GADL1: variants seen among roughly 807,000 people sequenced by gnomAD.
GADL1 encodes the protein GAD like acidic amino acid decarboxylase 1.
In GADL1, 71 loss-of-function variants were observed where a neutral mutation model predicts 69.5. The ratio of observed to expected loss-of-function variants is 1.02; its 90% CI spans 0.84 to 1.25. GADL1 has a LOEUF of 1.25. GADL1 is among the 50% of genes most tolerant of loss of function. The pLI is 0.00. For missense variants in GADL1, 737 were observed against 631.8 expected, an observed-to-expected ratio of 1.17 and a Z score of -1.79; for synonymous variants, 254 against 214.4, an observed-to-expected ratio of 1.18 and a Z score of -1.62.
At chr3:30,740,930 ATAT>A (rs1695608159) in intron 14 of GADL1, among the ~76,000 whole-genome samples, 1 of 134,480 alleles carries the variant, frequency 7.4e-6, no homozygotes, top group South Asian at 2.2e-4. Context: ...AAAAACAAAT[ATAT>A]TATATTTGAT....
At chr3:30,747,445 T>C (rs1695723956) in intron 14 of GADL1, among the ~76,000 whole-genome samples, 1 of 152,130 alleles carries the variant, frequency 6.6e-6, no homozygotes. Context: ...GAAAGAAAGG[T>C]GGAATTGAGT....
chr3:30,795,351 A>G lies in GADL1; in HGVS notation c.1250+5538T>C, dbSNP rs538570054. 5.3e-5 allele frequency among the ~76,000 whole-genome samples: 8 copies of G among 152,308 alleles called. No homozygotes were observed. In the South Asian group the frequency reaches 1.7e-3, roughly 32 times the overall value. On this transcript the variant is annotated intron_variant, in intron 12 of 14. Coordinates refer to ENST00000282538, the MANE Select transcript of GADL1 (RefSeq NM_207359.3). ...TACGATTATAGCTGGAAGAGTTAAG[A>G]TTATGACTCACAGAACCAGTGGTGT...
chr3:30,799,955 G>GT (rs1270011086), intron 12 of GADL1: 2 of 152,266 alleles, frequency 1.3e-5, no homozygotes, highest in African/African-American at 4.8e-5. Flanking sequence ...CTTATTGTTC[G>GT]TATCACTATC....
At position 30,889,106 on chromosome 3, in the gene GADL1, A is replaced by T. The variant is rs552097892; in HGVS notation, c.37+5472T>A. On this transcript the variant is annotated intron_variant, in intron 1 of 14. Coordinates refer to ENST00000282538, the MANE Select transcript of GADL1 (RefSeq NM_207359.3). ...CTATAAAAAAAAAAAAAAAAAAAAA[A>T]AAAAAAAAAGAGGATTAATGGACTC... 1.8e-3 allele frequency among the ~76,000 whole-genome samples: 275 copies of T among 149,554 alleles called. 5 individuals carry two copies. The highest frequency in any genetic ancestry group is 6.3e-3 in the African/African-American group (258 of 41,050).
chr3:30,753,624 C>A (rs1695889072), intron 14 of GADL1, among the ~76,000 whole-genome samples: 1 of 125,890 alleles, frequency 7.9e-6, no homozygotes, highest in Admixed American at 7.1e-5. Flanking sequence ...TCTTACAGTA[C>A]TTAAGATCAC....
At chr3:30,864,623 C>T (rs143687813) in intron 1 of GADL1, among the ~76,000 whole-genome samples, 1 of 151,890 alleles carries the variant, frequency 6.6e-6, no homozygotes, top group South Asian at 2.1e-4. Context: ...TCTTTCTCCC[C>T]CAGCATTTGT....
intron 14 of GADL1, among the ~76,000 whole-genome samples, chr3:30,740,689 T>C (rs1695603739): frequency 6.6e-6 from 1 of 151,940 alleles, no homozygotes; most frequent in Non-Finnish European, 1.5e-5. Context: ...TTTCAAGTTA[T>C]CTACCAGCCA....
chr3:30,747,248 G>C (rs1695721001), intron 14 of GADL1, among the ~76,000 whole-genome samples: 1 of 152,164 alleles, frequency 6.6e-6, no homozygotes, highest in Non-Finnish European at 1.5e-5. Flanking sequence ...ACCTCCCAGG[G>C]ATTTAGCATC....
chr3:30,780,427 C>T (rs997546037), intron 13 of GADL1, among the ~76,000 whole-genome samples: 4 of 152,154 alleles, frequency 2.6e-5, no homozygotes, highest in African/African-American at 7.2e-5. Context: ...GTGGTGGCTG[C>T]TCTCTATATC....
At chr3:30,882,014 T>A (rs796556246) in intron 1 of GADL1, among the ~76,000 whole-genome samples, 12 of 151,990 alleles carry the variant, frequency 7.9e-5, no homozygotes, top group African/African-American at 2.9e-4. Flanking sequence ...GCCAATAAAA[T>A]TGTTTATTAT....
chr3:30,832,336 C>CT (rs1243431379), intron 11 of GADL1, among the ~76,000 whole-genome samples: 2 of 144,320 alleles, frequency 1.4e-5, no homozygotes, highest in Non-Finnish European at 3.0e-5. Context: ...GGAATGAATT[C>CT]TTTAAAAAAA....
At chr3:30,849,032 G>A (rs1698101915) in intron 6 of GADL1, among the ~76,000 whole-genome samples, 1 of 152,158 alleles carries the variant, frequency 6.6e-6, no homozygotes, top group Non-Finnish European at 1.5e-5. Context: ...ACAATGGCCA[G>A]TTCTGAGGCT....
intron 13 of GADL1, among the ~76,000 whole-genome samples, chr3:30,783,148 C>T (rs1488599878): frequency 6.6e-6 from 1 of 152,144 alleles, no homozygotes. Flanking sequence ...GACTATATGT[C>T]CTCGAAGATC....
intron 14 of GADL1, among the ~76,000 whole-genome samples, chr3:30,763,780 A>T (rs1462571477): frequency 2.0e-5 from 3 of 151,892 alleles, no homozygotes; most frequent in Non-Finnish European, 4.4e-5. Flanking sequence ...CCATATCTTT[A>T]TCTATCTCTC....
intron 14 of GADL1, among the ~76,000 whole-genome samples, chr3:30,766,680 G>C (rs1696289704): frequency 6.6e-6 from 1 of 152,138 alleles, no homozygotes; most frequent in Non-Finnish European, 1.5e-5. Flanking sequence ...GTGTGTTTTT[G>C]ATGACAGTGA....
intron 14 of GADL1, among the ~76,000 whole-genome samples, chr3:30,736,257 C>T (rs1695539983): frequency 6.6e-6 from 1 of 152,100 alleles, no homozygotes; most frequent in Non-Finnish European, 1.5e-5. Flanking sequence ...ATGGATTAGA[C>T]CGACCATACA....
At chr3:30,881,440 G>A (rs6794765) in intron 1 of GADL1, among the ~76,000 whole-genome samples, 14,395 of 151,754 alleles carry the variant, frequency 0.095, 1,777 homozygotes, top group African/African-American at 0.27. Context: ...CAAAACAATG[G>A]CTAAGCTTGT....
intron 14 of GADL1, among the ~76,000 whole-genome samples, chr3:30,754,743 T>C (rs1695924521): frequency 6.6e-6 from 1 of 152,150 alleles, no homozygotes; most frequent in Non-Finnish European, 1.5e-5. Flanking sequence ...CAGTGAGATG[T>C]TTACTATGTT....
intron 1 of GADL1, among the ~76,000 whole-genome samples, chr3:30,887,386 T>C (rs937722049): frequency 1.1e-4 from 17 of 152,150 alleles, no homozygotes; most frequent in African/African-American, 4.1e-4. Flanking sequence ...ATTGAGTTAA[T>C]GAATTAATGG....
Sources: gnomAD v4.1 joint callset for allele counts (sites outside exome capture counted in the v4.1 genomes callset) on GRCh38, gnomAD v4.1.1 for gene constraint, MANE v1.5 for transcripts, NCBI Gene and HGNC (gene_info 2026-07-23, HGNC 2026-07-21) for gene names.